The following FOXP2 variants were observed in gnomAD, a reference collection of about 807,000 sequenced individuals.
The protein encoded by FOXP2 is forkhead box protein P2.
In FOXP2, 12 loss-of-function variants were observed where a neutral mutation model predicts 115.8. That is an observed-to-expected ratio of 0.10 (90% CI 0.07 to 0.17). The LOEUF (loss-of-function observed/expected upper bound fraction) is 0.17. FOXP2 is among the 10% of genes least tolerant of loss of function. FOXP2 has a pLI of 1.00. For synonymous variants in FOXP2, 328 were observed against 297.7 expected (o/e 1.10, Z -1.05); for missense variants, 629 against 843.5 (o/e 0.75, Z 3.15).
chr7:114,456,392 G>C (rs1795313398), intron 2 of FOXP2, among the ~76,000 whole-genome samples: 1 of 152,132 alleles, frequency 6.6e-6, no homozygotes, highest in Admixed American at 6.5e-5. Context: ...GCTGACTCTT[G>C]TTTAAAACTC....
chr7:114,130,677 G>C (rs1393125173), intron 1 of FOXP2, among the ~76,000 whole-genome samples: 1 of 152,026 alleles, frequency 6.6e-6, no homozygotes, highest in Non-Finnish European at 1.5e-5. Flanking sequence ...AGGCATTTTT[G>C]TAAATCACAT....
intron 1 of FOXP2, among the ~76,000 whole-genome samples, chr7:114,209,770 C>T (rs550194424): frequency 7.2e-4 from 109 of 152,274 alleles, no homozygotes; most frequent in African/African-American, 2.3e-3. Flanking sequence ...CTCCCTGTCT[C>T]TTTCAGGTAC....
At chr7:114,494,087 A>G (rs960377550) in intron 2 of FOXP2, among the ~76,000 whole-genome samples, 2 of 151,964 alleles carry the variant, frequency 1.3e-5, no homozygotes, top group African/African-American at 4.8e-5. Context: ...CTTTTTAATT[A>G]TTACTTTTTT....
At chr7:114,449,619 G>T (rs915585442) in intron 2 of FOXP2, among the ~76,000 whole-genome samples, 1 of 151,990 alleles carries the variant, frequency 6.6e-6, no homozygotes, top group Non-Finnish European at 1.5e-5. Flanking sequence ...TCTTTGAATA[G>T]AATCTTGAAT....
chr7:114,484,828 C>G (rs1796705245), intron 2 of FOXP2, among the ~76,000 whole-genome samples: 1 of 151,822 alleles, frequency 6.6e-6, no homozygotes, highest in Admixed American at 6.6e-5. Context: ...ATCTATTCTA[C>G]ATCAGAAGGA....
chr7:114,104,587 T>A (rs1213684116), intron 1 of FOXP2, among the ~76,000 whole-genome samples: 2 of 152,084 alleles, frequency 1.3e-5, no homozygotes, highest in African/African-American at 4.8e-5. Context: ...AGCTCTATTG[T>A]TATTTCTCTT....
chr7:114,158,191 G>A (rs1160218208), upstream of FOXP2, among the ~76,000 whole-genome samples: 1 of 151,990 alleles, frequency 6.6e-6, no homozygotes, highest in Non-Finnish European at 1.5e-5. Flanking sequence ...GTGTTGTATA[G>A]CAAAATATAT....
chr7:114,616,918 T>C (rs1803982201), intron 3 of FOXP2, among the ~76,000 whole-genome samples: 2 of 151,860 alleles, frequency 1.3e-5, no homozygotes, highest in Admixed American at 6.6e-5. Context: ...TCTCTAAAAA[T>C]AAAAATAAAC....
intron 1 of FOXP2, among the ~76,000 whole-genome samples, chr7:114,228,666 A>T (rs938738998): frequency 1.3e-5 from 2 of 151,880 alleles, no homozygotes; most frequent in African/African-American, 2.4e-5. Context: ...ATACAATTGA[A>T]CTTAAGTTGT....
Position 114,297,415 on chromosome 7 carries a change from T to C in FOXP2, c.-11+9306T>C, listed in dbSNP as rs536923606. On this transcript the variant is annotated intron_variant, in intron 2 of 17. Coordinates refer to the FOXP2 transcript ENST00000634411. ...TTGTTGAGGCCCACTGTCATAGGGG[T>C]AGCCCAGAGCCATGGCTGCTGCTCT... 1.2e-5 allele frequency: 7 copies of C among 595,998 alleles called. No individual in the cohort carries two copies. The South Asian group carries it at 1.2e-4, about 10-fold the overall frequency. 36.9% of individuals were successfully genotyped at this position (595,998 alleles called of 1,614,324 possible). A position where few individuals can be genotyped will look rare whatever the true frequency, so the allele number is the denominator to read the frequency against.
intron 2 of FOXP2, among the ~76,000 whole-genome samples, chr7:114,435,288 G>A (rs1794291223): frequency 6.6e-6 from 1 of 152,148 alleles, no homozygotes; most frequent in South Asian, 2.1e-4. Flanking sequence ...AAGGTTTTAG[G>A]AAGGGCATTT....
At chr7:114,114,952 C>T (rs111443743) in intron 1 of FOXP2, among the ~76,000 whole-genome samples, 4 of 151,990 alleles carry the variant, frequency 2.6e-5, no homozygotes, top group African/African-American at 9.6e-5. Context: ...AATTTGAAAA[C>T]GTTTGTGTAA....
chr7:114,480,282 T>A (rs1417575295), intron 2 of FOXP2, among the ~76,000 whole-genome samples: 1 of 151,568 alleles, frequency 6.6e-6, no homozygotes, highest in African/African-American at 2.4e-5. Context: ...TCCTCTGTTG[T>A]AACTGGAAGC....
intron 3 of FOXP2, among the ~76,000 whole-genome samples, chr7:114,594,494 G>C (rs192978807): frequency 2.0e-5 from 3 of 152,194 alleles, no homozygotes; most frequent in Admixed American, 2.0e-4. Flanking sequence ...TATACTGACT[G>C]TGTGGAGTTG....
At chr7:114,560,043 T>C (rs1364874604) in intron 3 of FOXP2, among the ~76,000 whole-genome samples, 1 of 152,200 alleles carries the variant, frequency 6.6e-6, no homozygotes, top group Non-Finnish European at 1.5e-5. Flanking sequence ...CTAAACTTTC[T>C]TTGTTAAGCT....
chr7:114,423,670 C>T (rs1793715054), intron 1 of FOXP2, among the ~76,000 whole-genome samples: 2 of 151,550 alleles, frequency 1.3e-5, no homozygotes, highest in African/African-American at 4.8e-5. Flanking sequence ...AGCACATCCA[C>T]TCTGAAAGAA....
chr7:114,529,455 G>A (rs1342690636), intron 2 of FOXP2, among the ~76,000 whole-genome samples: 1 of 151,646 alleles, frequency 6.6e-6, no homozygotes, highest in Non-Finnish European at 1.5e-5. Context: ...AGGATGCTTT[G>A]TAAGTAATTA....
chr7:114,237,063 TG>T (rs1465390875), intron 1 of FOXP2, among the ~76,000 whole-genome samples: 1 of 152,178 alleles, frequency 6.6e-6, no homozygotes, highest in Non-Finnish European at 1.5e-5. Flanking sequence ...TATGTCTGTG[TG>T]GGGGGCTGAC....
intron 3 of FOXP2, among the ~76,000 whole-genome samples, chr7:114,608,171 C>T (rs1803433095): frequency 6.6e-6 from 1 of 152,170 alleles, no homozygotes; most frequent in Non-Finnish European, 1.5e-5. Context: ...AATTTAGCAA[C>T]TTAAAACAAT....
Sources: allele counts gnomAD v4.1 joint callset (sites outside exome capture counted in the v4.1 genomes callset), GRCh38; gene constraint gnomAD v4.1.1; transcripts MANE v1.5; gene names NCBI Gene and HGNC (gene_info 2026-07-23, HGNC 2026-07-21).